Variants in USH2A observed in about 807,000 individuals in gnomAD.
USH2A encodes the protein usherin.
In USH2A, 443 loss-of-function variants were observed where a neutral mutation model predicts 538.9. That is an observed-to-expected ratio of 0.82 (90% CI 0.76 to 0.89). The LOEUF (loss-of-function observed/expected upper bound fraction) is 0.89. USH2A is among the 40% of genes least tolerant of loss of function. The pLI, the probability that USH2A is intolerant of heterozygous loss-of-function variation, is 0.00. For missense variants in USH2A, 6,633 were observed against 6,324.8 expected (o/e 1.05, Z -1.65); for synonymous variants, 2,413 against 2,273.5 (o/e 1.06, Z -1.75).
intron 60 of USH2A, among the ~76,000 whole-genome samples, chr1:215,732,560 T>C (rs1466200976): frequency 1.5e-5 from 2 of 132,246 alleles, no homozygotes; most frequent in African/African-American, 5.7e-5. Flanking sequence ...TTTTTTTTTT[T>C]TTTTTTTTTT....
chr1:215,681,274 T>TATTACATACTTTAA (rs1658220498), intron 61 of USH2A, among the ~76,000 whole-genome samples: 2 of 151,806 alleles, frequency 1.3e-5, no homozygotes, highest in Non-Finnish European at 1.5e-5. Context: ...CCTTTTAAAG[T>TATTACATACTTTAA]AGGAATTATG....
rs557841929 is a variant in USH2A, at chr1:215,768,686, G to C, written c.10940-1898C>G. Among the ~76,000 whole-genome samples, 12 of 152,250 alleles carry C rather than the reference G, an allele frequency of 7.9e-5. 1 individual carries two copies. In the South Asian group the frequency reaches 2.3e-3, roughly 29 times the overall value. ...AAATGTAAAGCTCAAAATAATGGAAGGGAACATTCAAGAATGAAACTCAGA... is the reference window on the plus strand; with the variant it reads ...AAATGTAAAGCTCAAAATAATGGAACGGAACATTCAAGAATGAAACTCAGA... On this transcript the variant is annotated intron_variant, in intron 55 of 71. Coordinates refer to ENST00000307340, the MANE Select transcript of USH2A (RefSeq NM_206933.4).
At chr1:216,166,201 A>C (rs937467421) in intron 21 of USH2A, among the ~76,000 whole-genome samples, 2 of 152,094 alleles carry the variant, frequency 1.3e-5, no homozygotes, top group African/African-American at 4.8e-5. Flanking sequence ...TTTCATGATG[A>C]GTAGCAATTA....
At chr1:216,094,045 G>A (rs2032377326) in intron 22 of USH2A, among the ~76,000 whole-genome samples, 1 of 152,082 alleles carries the variant, frequency 6.6e-6, no homozygotes, top group Non-Finnish European at 1.5e-5. Context: ...CTATAAACAA[G>A]TGGTCCTGTG....
At chr1:216,172,970 A>G (rs2034299929) in intron 21 of USH2A, among the ~76,000 whole-genome samples, 1 of 152,044 alleles carries the variant, frequency 6.6e-6, no homozygotes, top group Admixed American at 6.6e-5. Flanking sequence ...TCACGTTTCC[A>G]CCCTGAAATT....
At chr1:215,725,866 C>T (rs1230246127) in intron 61 of USH2A, among the ~76,000 whole-genome samples, 1 of 152,000 alleles carries the variant, frequency 6.6e-6, no homozygotes, top group Non-Finnish European at 1.5e-5. Flanking sequence ...AAAAATAGAG[C>T]CTAGAAGATT....
chr1:216,023,751 G>T (rs143743319), intron 32 of USH2A, among the ~76,000 whole-genome samples: 27 of 152,078 alleles, frequency 1.8e-4, no homozygotes, highest in South Asian at 4.2e-4. Flanking sequence ...GAATAGGATG[G>T]TATTATGTGT....
chr1:215,628,696 T>G (rs1448696885), intron 71 of USH2A, 118 bp downstream of exon 71: 4 of 1,033,938 alleles, frequency 3.9e-6, no homozygotes, highest in Non-Finnish European at 6.1e-6. Flanking sequence ...ACTACCTCAC[T>G]GGCTAAGTGC....
At chr1:216,156,451 A>G (rs1283191074) in intron 21 of USH2A, among the ~76,000 whole-genome samples, 1 of 151,644 alleles carries the variant, frequency 6.6e-6, no homozygotes, top group Non-Finnish European at 1.5e-5. Context: ...TTTATTCAGT[A>G]ACTTTTCAAA....
chr1:216,052,870 T>C (rs970984377), intron 30 of USH2A, among the ~76,000 whole-genome samples: 9 of 152,180 alleles, frequency 5.9e-5, no homozygotes, highest in Non-Finnish European at 1.3e-4. Context: ...TCCAAGACTA[T>C]GTAGATTGTG....
chr1:215,860,423 C>T (rs967380059), intron 44 of USH2A, among the ~76,000 whole-genome samples: 16 of 150,766 alleles, frequency 1.1e-4, no homozygotes, highest in Non-Finnish European at 2.2e-4. Flanking sequence ...GGGAAAAAAA[C>T]AAAAGAAAAA....
At chr1:216,175,507 T>TCTA (rs1428713410) in intron 20 of USH2A, 25 bp from the exon 21 acceptor site, 1 of 1,611,580 alleles carries the variant, frequency 6.2e-7, no homozygotes, top group African/African-American at 1.3e-5. Flanking sequence ...ACACCTGTTA[T>TCTA]ATTCAAGAAT....
chr1:215,873,762 C>A (rs1487249610), intron 43 of USH2A, among the ~76,000 whole-genome samples: 1 of 145,394 alleles, frequency 6.9e-6, no homozygotes, highest in African/African-American at 2.6e-5. Context: ...AGTGGATTCT[C>A]GAGGAATCAC....
At chr1:216,171,052 G>T (rs2102637090) in intron 21 of USH2A, among the ~76,000 whole-genome samples, 1 of 151,952 alleles carries the variant, frequency 6.6e-6, no homozygotes, top group East Asian at 1.9e-4. Context: ...CCCAATAATT[G>T]AATATCTATT....
chr1:215,952,582 C>CA (rs1169196959), intron 37 of USH2A, among the ~76,000 whole-genome samples: 1 of 152,132 alleles, frequency 6.6e-6, no homozygotes, highest in African/African-American at 2.4e-5. Context: ...GTGGTGGTGA[C>CA]AAAATCTCTC....
chr1:215,984,644 A>C (rs1281709948), intron 35 of USH2A, among the ~76,000 whole-genome samples: 2 of 152,252 alleles, frequency 1.3e-5, no homozygotes, highest in Non-Finnish European at 2.9e-5. Context: ...AGGAAATTCA[A>C]TGCAAGTACA....
chr1:215,629,121 G>A lies in USH2A; in HGVS notation c.15298-86C>T, dbSNP rs930610647. ...GAGAATTGTGTCTCACACATTGTCA[G>A]TGAAGGGAATGACTGTCTCCTGACA... On this transcript the variant is annotated intron_variant, in intron 70 of 71. Transcript: ENST00000307340. The A allele has an allele frequency of 3.7e-6, 5 of 1,335,462 alleles. No homozygotes were observed. The Admixed American group carries it at 8.5e-5, about 23-fold the overall frequency. The allele number at this position is 1,335,462 out of a possible 1,614,324, so 82.7% of individuals were successfully genotyped here.
chr1:215,651,723 G>GA (rs1045292409), intron 64 of USH2A, among the ~76,000 whole-genome samples: 3 of 150,212 alleles, frequency 2.0e-5, no homozygotes, highest in African/African-American at 4.9e-5. Context: ...GGGAAAAAAA[G>GA]AAAAAACCTA....
chr1:216,037,082 A>C (rs906908198), intron 32 of USH2A, among the ~76,000 whole-genome samples: 4 of 152,160 alleles, frequency 2.6e-5, no homozygotes, highest in African/African-American at 7.2e-5. Flanking sequence ...ATGTCAATGC[A>C]GTCTTTTTTA....
Sources: gnomAD v4.1 joint callset for allele counts (sites outside exome capture counted in the v4.1 genomes callset) on GRCh38, gnomAD v4.1.1 for gene constraint, MANE v1.5 for transcripts, NCBI Gene and HGNC (gene_info 2026-07-23, HGNC 2026-07-21) for gene names.